GFRA1: variants seen among roughly 807,000 people sequenced by gnomAD.
GFRA1 encodes the protein GDNF family receptor alpha 1.
In GFRA1, 16 loss-of-function variants were observed where a neutral mutation model predicts 51.6. The observed-to-expected ratio is 0.31, with a 90% CI of 0.21 to 0.47. The LOEUF (loss-of-function observed/expected upper bound fraction) is 0.47. Ranked by LOEUF, GFRA1 falls within the 20% of genes least tolerant of loss-of-function variation. The probability of loss-of-function intolerance (pLI) is 1.00; values close to 1 mark genes in which losing one functional copy is unlikely to be tolerated. For missense variants in GFRA1, 530 were observed against 594.3 expected (o/e 0.89, Z 1.13); for synonymous variants, 270 against 241.3 (o/e 1.12, Z -1.10).
chr10:116,167,010 AG>A (rs1394361790), intron 5 of GFRA1, among the ~76,000 whole-genome samples: 1 of 151,862 alleles, frequency 6.6e-6, no homozygotes, highest in Non-Finnish European at 1.5e-5. Flanking sequence ...CGTGTTAGCC[AG>A]GATGGTCTCA....
chr10:116,267,940 AACACACAC>A (rs58079628), intron 4 of GFRA1, among the ~76,000 whole-genome samples: 30,770 of 146,370 alleles, frequency 0.21, 3,333 homozygotes, highest in South Asian at 0.39. Flanking sequence ...CTGACAGACT[AACACACAC>A]ACACACACAC....
At chr10:116,187,485 G>C (rs909144834) in intron 5 of GFRA1, among the ~76,000 whole-genome samples, 1 of 152,246 alleles carries the variant, frequency 6.6e-6, no homozygotes, top group African/African-American at 2.4e-5. Context: ...CTCCAGGCTT[G>C]AGAACTATCT....
chr10:116,118,693 G>A (rs1957526202), intron 6 of GFRA1, among the ~76,000 whole-genome samples: 1 of 152,152 alleles, frequency 6.6e-6, no homozygotes, highest in South Asian at 2.1e-4. Flanking sequence ...ATAAAAGATG[G>A]TCTGGTGCCA....
intron 4 of GFRA1, among the ~76,000 whole-genome samples, chr10:116,256,642 C>T (rs1344171816): frequency 6.6e-6 from 1 of 151,454 alleles, no homozygotes; most frequent in Non-Finnish European, 1.5e-5. Flanking sequence ...GGTGAGTGGG[C>T]ACTGCTTTCA....
rs118118140 is a variant in GFRA1 at position 116,095,576 on chromosome 10, G to A, written c.880+1079C>T. On this transcript the variant is annotated intron_variant, in intron 7 of 10. Transcript: ENST00000355422. Reference sequence around the variant, plus strand: ...AAAATAGAAAATACTTGGGGATCTGGGGAAAGCTATTACCCACAGCAGGGC... The same window carrying A: ...AAAATAGAAAATACTTGGGGATCTGAGGAAAGCTATTACCCACAGCAGGGC... Among the ~76,000 whole-genome samples, 724 of 152,230 alleles carry A rather than the reference G, an allele frequency of 4.8e-3. 2 individuals are homozygous for A. The highest frequency in any genetic ancestry group is 8.3e-3 in the Non-Finnish European group (564 of 68,014).
At chr10:116,122,949 G>A (rs925014643) in intron 6 of GFRA1, among the ~76,000 whole-genome samples, 7 of 152,204 alleles carry the variant, frequency 4.6e-5, no homozygotes, top group Non-Finnish European at 8.8e-5. Flanking sequence ...ATTAAGCCAA[G>A]TAAGACCCTA....
chr10:116,205,446 G>A (rs1325481428), intron 5 of GFRA1, among the ~76,000 whole-genome samples: 2 of 151,720 alleles, frequency 1.3e-5, no homozygotes, highest in South Asian at 2.1e-4. Flanking sequence ...GTAGCGGCAC[G>A]TGCCTGTAAT....
At chr10:116,268,116 G>A (rs1969819785) in intron 4 of GFRA1, among the ~76,000 whole-genome samples, 2 of 152,108 alleles carry the variant, frequency 1.3e-5, no homozygotes, top group Non-Finnish European at 2.9e-5. Context: ...TATTTCTAAT[G>A]AATTCCCTGG....
intron 5 of GFRA1, among the ~76,000 whole-genome samples, chr10:116,196,475 C>T (rs950556362): frequency 1.5e-4 from 21 of 142,296 alleles, no homozygotes; most frequent in African/African-American, 4.2e-4. Context: ...GGTGATGGTG[C>T]GAGACTCTGT....
At chr10:116,113,184 A>AT (rs5788134) in intron 6 of GFRA1, among the ~76,000 whole-genome samples, 16,660 of 148,104 alleles carry the variant, frequency 0.11, 1,987 homozygotes, top group African/African-American at 0.3. Context: ...CTTCTCCCTA[A>AT]TTTTTTTTTT....
intron 10 of GFRA1, 49 bp downstream of exon 10, chr10:116,065,524 A>C (rs768946167): frequency 6.7e-7 from 1 of 1,482,728 alleles, no homozygotes; most frequent in South Asian, 1.1e-5. Context: ...AGGGGCCCAA[A>C]GGCTATGTTT....
At position 116,058,346 on chromosome 10, in the gene GFRA1, C is replaced by G. The variant is rs1201980852; in HGVS notation, c.*6052G>C. ...TTTGCTTTCCTCAGCTAAAGCAGCT[C>G]TGGCATCTCCTATTCCCACCTGCAC... On this transcript the variant is annotated 3_prime_UTR_variant, in exon 11 of 11. Transcript: ENST00000355422. 2 of 152,240 alleles carry G rather than the reference C, an allele frequency of 1.3e-5. No homozygotes were observed. The highest frequency in any genetic ancestry group is 2.9e-5 in the Non-Finnish European group (2 of 68,080). 9.4% of individuals were successfully genotyped at this position (152,240 alleles called of 1,614,324 possible). A position where few individuals can be genotyped will look rare whatever the true frequency, so the allele number is the denominator to read the frequency against.
At chr10:116,232,449 G>A (rs1966737288) in intron 4 of GFRA1, among the ~76,000 whole-genome samples, 1 of 151,164 alleles carries the variant, frequency 6.6e-6, no homozygotes, top group African/African-American at 2.4e-5. Context: ...CCTAAAAAAA[G>A]TTCTCGGCCA....
intron 4 of GFRA1, among the ~76,000 whole-genome samples, chr10:116,243,476 TC>T (rs1473560474): frequency 3.7e-5 from 5 of 134,416 alleles, no homozygotes; most frequent in Admixed American, 1.5e-4. Context: ...TAGACAATCT[TC>T]CCCCAACCCT....
intron 4 of GFRA1, among the ~76,000 whole-genome samples, chr10:116,254,565 A>T (rs1475597458): frequency 6.6e-6 from 1 of 151,922 alleles, no homozygotes; most frequent in African/African-American, 2.4e-5. Flanking sequence ...TACTGATGGG[A>T]GGCCAGCAGA....
At chr10:116,203,740 C>T (rs918701319) in intron 5 of GFRA1, among the ~76,000 whole-genome samples, 1 of 152,206 alleles carries the variant, frequency 6.6e-6, no homozygotes, top group Non-Finnish European at 1.5e-5. Context: ...GAGCAACAAT[C>T]TCAACTGGGA....
chr10:116,153,370 C>T (rs1032678362), intron 5 of GFRA1, among the ~76,000 whole-genome samples: 4 of 152,158 alleles, frequency 2.6e-5, no homozygotes, highest in African/African-American at 4.8e-5. Flanking sequence ...GGTTTGTGCA[C>T]GTGAGGACTA....
rs536725894 is a variant in GFRA1, at chr10:116,248,421, G to C, written c.418+21082C>G. Among the ~76,000 whole-genome samples the C allele has an allele frequency of 6.6e-5, 10 of 152,300 alleles. No individual in the cohort carries two copies. The South Asian group carries it at 2.1e-3, about 32-fold the overall frequency. On this transcript the variant is annotated intron_variant, in intron 4 of 10. Coordinates refer to ENST00000355422, the MANE Select transcript of GFRA1 (RefSeq NM_005264.8). ...TGAAGGGGATGCTCAGGGAGGAGAA[G>C]CAGCTGATCTCCAGACAACTTCAAA...
intron 5 of GFRA1, among the ~76,000 whole-genome samples, chr10:116,211,178 C>T (rs1014056422): frequency 6.6e-6 from 1 of 152,222 alleles, no homozygotes; most frequent in Non-Finnish European, 1.5e-5. Context: ...CAGCCATGGC[C>T]TTGCCACACC....
Sources: gnomAD v4.1 joint callset for allele counts (sites outside exome capture counted in the v4.1 genomes callset) on GRCh38, gnomAD v4.1.1 for gene constraint, MANE v1.5 for transcripts, NCBI Gene and HGNC (gene_info 2026-07-23, HGNC 2026-07-21) for gene names.